Variants in IMPG1 observed in about 807,000 individuals in gnomAD.
IMPG1 encodes interphotoreceptor matrix proteoglycan 1.
Under a neutral mutation model 92.0 loss-of-function variants are expected in IMPG1, and 85 were observed. The observed-to-expected ratio is 0.92, with a 90% CI of 0.78 to 1.11. The LOEUF (loss-of-function observed/expected upper bound fraction) is 1.11. IMPG1 is among the 50% of genes least tolerant of loss of function. IMPG1 has a pLI of 0.00. For synonymous variants in IMPG1, 367 were observed against 334.1 expected (o/e 1.10, Z -1.08); for missense variants, 1,022 against 956.0 (o/e 1.07, Z -0.91).
At chr6:76,013,575 T>C (rs185139281) in intron 7 of IMPG1, among the ~76,000 whole-genome samples, 39 of 152,296 alleles carry the variant, frequency 2.6e-4, no homozygotes, top group Non-Finnish European at 4.9e-4. Flanking sequence ...TATTGCAGTA[T>C]ACCCCATAAA....
chr6:75,991,700 C>G (rs1036727203), intron 12 of IMPG1, among the ~76,000 whole-genome samples: 1 of 152,148 alleles, frequency 6.6e-6, no homozygotes, highest in Non-Finnish European at 1.5e-5. Flanking sequence ...CTTCCAGTTC[C>G]TCAAGAATGG....
chr6:76,016,878 T>C (rs1345565609), intron 7 of IMPG1, among the ~76,000 whole-genome samples: 1 of 152,146 alleles, frequency 6.6e-6, no homozygotes, highest in Non-Finnish European at 1.5e-5. Flanking sequence ...GAGAAGCTCA[T>C]AGCCTGGTGG....
chr6:76,038,813 A>C (rs1783786761), intron 2 of IMPG1, among the ~76,000 whole-genome samples: 1 of 152,236 alleles, frequency 6.6e-6, no homozygotes, highest in Non-Finnish European at 1.5e-5. Flanking sequence ...TCATATCCTA[A>C]GTCATTTGAT....
rs185908762 is a variant in IMPG1, at chr6:75,950,549, A to C, written c.1824+13T>G. On this transcript the variant is annotated intron_variant, in intron 13 of 16. Coordinates refer to ENST00000369950, the MANE Select transcript of IMPG1 (RefSeq NM_001563.4). ...AGACAAAGAATTGGGAATTGTGAGC[A>C]GTGCCCACTCACCAGCTGTGTGAAT... The C allele has an allele frequency of 5.3e-5, 83 of 1,570,266 alleles. No individual in the cohort carries two copies. In the African/African-American group the frequency reaches 1.0e-3, roughly 19 times the overall value.
Position 76,005,441 on chromosome 6 carries a change from G to A in IMPG1, c.981C>T (p.Ser327=). 1 of 1,613,928 alleles carries A rather than the reference G, an allele frequency of 6.2e-7. No homozygotes were observed. The highest frequency in any genetic ancestry group is 8.5e-7 in the Non-Finnish European group (1 of 1,179,944). ...SPASDLLSFD[S]NKIESEEVYH... is the part of the protein sequence containing the mutation. ...AGACTTCCTCACTTTCAATTTTGTTGGAATCAAAAGACAGGAGGTCACTTG... is the reference window on the plus strand; with the variant it reads ...AGACTTCCTCACTTTCAATTTTGTTAGAATCAAAAGACAGGAGGTCACTTG... The change falls in exon 10 of 17, where the codon TCC becomes TCT. Residue 327 remains serine, a synonymous_variant. Transcript: ENST00000369950.
At chr6:76,025,096 T>C in intron 5 of IMPG1, 98 bp downstream of exon 5, 3 of 764,066 alleles carry the variant, frequency 3.9e-6, no homozygotes, top group Non-Finnish European at 6.8e-6. Context: ...AAGTACATTA[T>C]AAACATTATC....
intron 4 of IMPG1, among the ~76,000 whole-genome samples, chr6:76,030,322 A>C (rs1203438627): frequency 6.6e-6 from 1 of 151,780 alleles, no homozygotes. Flanking sequence ...GATGCTTTTC[A>C]TTCTCTCTCT....
intron 6 of IMPG1, 64 bp from the exon 7 acceptor site, chr6:76,018,922 G>C (rs1006161231): frequency 2.9e-5 from 42 of 1,428,380 alleles, no homozygotes; most frequent in Admixed American, 4.6e-5. Flanking sequence ...GGTTATTTTA[G>C]ATAATATATG....
chr6:76,039,969 GA>G (rs1228863600), intron 2 of IMPG1, among the ~76,000 whole-genome samples: 1 of 152,212 alleles, frequency 6.6e-6, no homozygotes, highest in Non-Finnish European at 1.5e-5. Context: ...AAGTTTGAAA[GA>G]TGTCAATGGA....
intron 4 of IMPG1, among the ~76,000 whole-genome samples, chr6:76,028,842 G>A (rs1268885070): frequency 6.6e-6 from 1 of 152,078 alleles, no homozygotes; most frequent in African/African-American, 2.4e-5. Flanking sequence ...AGTTAAGTAA[G>A]GTATACTCCT....
Position 75,921,226 on chromosome 6 carries a change from A to T in IMPG1, c.*863T>A, listed in dbSNP as rs1781421772. ...CATTTTCATTAAGCAGCACATAAAA[A>T]ATGGACTGAATTGGATTACATTGAT... is the stretch of plus-strand genomic sequence containing the variant. On this transcript the variant is annotated 3_prime_UTR_variant, in exon 17 of 17. Coordinates refer to ENST00000369950, the MANE Select transcript of IMPG1 (RefSeq NM_001563.4). 1 of 152,214 alleles carries T rather than the reference A, an allele frequency of 6.6e-6. No homozygotes were observed. The highest frequency in any genetic ancestry group is 1.5e-5 in the Non-Finnish European group (1 of 68,032). The allele number at this position is 152,214 out of a possible 1,614,324, so 9.4% of individuals were successfully genotyped here.
intron 15 of IMPG1, among the ~76,000 whole-genome samples, chr6:75,925,819 C>G (rs1781540073): frequency 6.6e-6 from 1 of 152,112 alleles, no homozygotes; most frequent in Non-Finnish European, 1.5e-5. Context: ...GCACATGCCA[C>G]CACGCCCAGT....
At position 76,022,921 on chromosome 6, in the gene IMPG1, T is replaced by C. The variant is rs569583224; in HGVS notation, c.563-702A>G. Reference sequence around the variant, plus strand: ...CAGAAACAACTTTCCATTTCAACCTTAATTAGGCAAAAACATAGAATGCCT... The same window carrying C: ...CAGAAACAACTTTCCATTTCAACCTCAATTAGGCAAAAACATAGAATGCCT... On this transcript the variant is annotated intron_variant, in intron 5 of 16. Transcript: ENST00000369950. Among the ~76,000 whole-genome samples, 3 of 152,336 alleles carry C rather than the reference T, an allele frequency of 2.0e-5. No individual in the cohort carries two copies. The South Asian group carries it at 6.2e-4, about 32-fold the overall frequency.
chr6:75,952,304 T>A (rs1227621005), intron 12 of IMPG1, among the ~76,000 whole-genome samples: 2 of 152,200 alleles, frequency 1.3e-5, no homozygotes, highest in Non-Finnish European at 2.9e-5. Flanking sequence ...ATGCTAAGCA[T>A]GATAAATGGA....
chr6:75,999,885 G>A (rs1038065645), intron 12 of IMPG1, among the ~76,000 whole-genome samples: 7 of 152,196 alleles, frequency 4.6e-5, no homozygotes, highest in Non-Finnish European at 8.8e-5. Context: ...TTGAATTAAG[G>A]CAGACTGTCA....
chr6:76,060,617 A>G (rs1784189463), intron 1 of IMPG1, among the ~76,000 whole-genome samples: 1 of 152,174 alleles, frequency 6.6e-6, no homozygotes, highest in South Asian at 2.1e-4. Context: ...CTTCTTAGAC[A>G]GAGAACTTAG....
chr6:75,947,027 A>C (rs1047364979), intron 14 of IMPG1, among the ~76,000 whole-genome samples: 5 of 152,144 alleles, frequency 3.3e-5, no homozygotes, highest in Non-Finnish European at 5.9e-5. Context: ...AAACTCTTAA[A>C]CACAGCAAAA....
At chr6:76,058,677 C>T (rs1028635035) in intron 1 of IMPG1, among the ~76,000 whole-genome samples, 30 of 152,044 alleles carry the variant, frequency 2.0e-4, no homozygotes, top group African/African-American at 6.8e-4. Flanking sequence ...GCAGGCTCAA[C>T]GGTAGAGGGA....
Position 75,936,312 on chromosome 6 carries a change from A to G in IMPG1, c.2045-5161T>C, listed in dbSNP as rs1475307020. On this transcript the variant is annotated intron_variant, in intron 14 of 16. Coordinates refer to ENST00000369950, the MANE Select transcript of IMPG1 (RefSeq NM_001563.4). Reference sequence around the variant, plus strand: ...AACGGAGGTGGCTCATGATACCTCCAGAAATGCTGATGCAGTTCAGTGATT... The same window carrying G: ...AACGGAGGTGGCTCATGATACCTCCGGAAATGCTGATGCAGTTCAGTGATT... 7.2e-4 allele frequency among the ~76,000 whole-genome samples: 109 copies of G among 152,266 alleles called. 3 individuals are homozygous for G. The highest frequency in any genetic ancestry group is 1.0e-4 in the Non-Finnish European group (7 of 68,046).
Sources: gnomAD v4.1 joint callset for allele counts (sites outside exome capture counted in the v4.1 genomes callset) on GRCh38, gnomAD v4.1.1 for gene constraint, MANE v1.5 for transcripts, NCBI Gene and HGNC (gene_info 2026-07-23, HGNC 2026-07-21) for gene names.